Variants in HAUS8 observed in about 807,000 individuals in gnomAD.
HAUS8 encodes HAUS augmin-like complex subunit 8.
Under a neutral mutation model 42.9 loss-of-function variants are expected in HAUS8, and 38 were observed. The ratio of observed to expected loss-of-function variants is 0.89; its 90% CI spans 0.68 to 1.16. The LOEUF is 1.16. Among genes scored for constraint, HAUS8 ranks in the 50% most tolerant of loss-of-function variants. The pLI is 0.00. For synonymous variants in HAUS8, 199 were observed against 205.8 expected (o/e 0.97, Z 0.28); for missense variants, 494 against 511.6 (o/e 0.97, Z 0.33).
chr19:17,063,542 G>A (rs1257709670), intron 3 of HAUS8, among the ~76,000 whole-genome samples: 1 of 152,194 alleles, frequency 6.6e-6, no homozygotes, highest in Non-Finnish European at 1.5e-5. Flanking sequence ...TTTAACAAGA[G>A]TTTTCTTTCA....
At position 17,049,775 on chromosome 19, in the gene HAUS8, A is replaced by G. The variant is rs938739034; in HGVS notation, c.*98T>C. On this transcript the variant is annotated 3_prime_UTR_variant, in exon 11 of 11. Transcript: ENST00000253669. ...AAAATGGAGGCTTCAATTGCAAAACAGGTTTACTTTTTTATCAAACAAGAT... is the reference window on the plus strand; with the variant it reads ...AAAATGGAGGCTTCAATTGCAAAACGGGTTTACTTTTTTATCAAACAAGAT... 9.3e-5 allele frequency: 98 copies of G among 1,058,190 alleles called. No homozygotes were observed. The highest frequency in any genetic ancestry group is 1.1e-4 in the Non-Finnish European group (90 of 790,858). The allele number at this position is 1,058,190 out of a possible 1,614,324, so 65.6% of individuals were successfully genotyped here. A position where few individuals can be genotyped will look rare whatever the true frequency, so the allele number is the denominator to read the frequency against.
rs1369414906 is a variant in HAUS8 at position 17,050,068 on chromosome 19, C to T, written c.1038G>A (p.Trp346Ter). 1 of 1,603,840 alleles carries T rather than the reference C, an allele frequency of 6.2e-7. No individual in the cohort carries two copies. Among genetic ancestry groups the T allele is most frequent in the East Asian group, 2.3e-5 (1 of 43,740 alleles). The change falls in exon 11 of 11, where the codon TGG becomes TGA. Residue 346 changes from tryptophan (W) to a stop codon, truncating the protein, a stop_gained. Transcript: ENST00000253669. LOFTEE classifies it low-confidence loss of function (END_TRUNC). Reference sequence around the variant, plus strand: ...TGCAGGCACTGTCTTGATTGAAATACCACCGGCTGGGGGGCGCCATGCCCT... The same window carrying T: ...TGCAGGCACTGTCTTGATTGAAATATCACCGGCTGGGGGGCGCCATGCCCT... ...ETQGMAPPSR[W>*]YFNQDSACRE... is the part of the protein sequence containing the mutation.
intron 3 of HAUS8, among the ~76,000 whole-genome samples, chr19:17,063,285 C>A (rs560346545): frequency 1.3e-5 from 2 of 152,230 alleles, no homozygotes; most frequent in South Asian, 4.1e-4. Context: ...TCGCTCGGGT[C>A]CAGGGGTTTG....
chr19:17,069,573 C>A (rs2057408959), intron 2 of HAUS8, among the ~76,000 whole-genome samples: 1 of 151,582 alleles, frequency 6.6e-6, no homozygotes, highest in Non-Finnish European at 1.5e-5. Context: ...AACACCCAGG[C>A]CCTCTTCAGA....
At chr19:17,063,828 C>G (rs1321484706) in intron 3 of HAUS8, among the ~76,000 whole-genome samples, 1 of 152,168 alleles carries the variant, frequency 6.6e-6, no homozygotes, top group Non-Finnish European at 1.5e-5. Flanking sequence ...GGGACTTACA[C>G]CTTTGGCTCC....
intron 3 of HAUS8, 32 bp downstream of exon 3, chr19:17,068,999 C>A (rs1481544070): frequency 1.9e-6 from 3 of 1,601,674 alleles, no homozygotes; most frequent in Non-Finnish European, 2.6e-6. Flanking sequence ...TTGCTCAGAA[C>A]TGCTGCAAAT....
rs746969224 is a variant in HAUS8, at chr19:17,060,003, T to C, written c.319A>G (p.Ile107Val). The C allele has an allele frequency of 2.5e-6, 4 of 1,609,674 alleles. No homozygotes were observed. Among genetic ancestry groups the C allele is most frequent in the Non-Finnish European group, 2.6e-6 (3 of 1,175,994 alleles). The change falls in exon 5 of 11, where the codon ATT (isoleucine) becomes GTT (valine). Residue 107 changes from isoleucine (I) to valine (V), a missense_variant. Coordinates refer to ENST00000253669, the MANE Select transcript of HAUS8 (RefSeq NM_033417.2). ...GGTGAAACAAATGATTTACCATTAA[T>C]AGCAGAGAGATCCAGGTCAGGTGGA... ...TAPPDLDLSAINDKSIVKKTP... is the reference protein window; with the variant it reads ...TAPPDLDLSAVNDKSIVKKTP...
At chr19:17,052,421 GA>G (rs1217020055) in intron 10 of HAUS8, 1 of 171,606 alleles carries the variant, frequency 5.8e-6, no homozygotes, top group Non-Finnish European at 1.2e-5. Flanking sequence ...AAGTAGGCTA[GA>G]AAAGGGAAAT....
Position 17,060,035 on chromosome 19 carries a change from C to T in HAUS8, c.287G>A (p.Gly96Asp), listed in dbSNP as rs1251899420. The T allele has an allele frequency of 6.2e-7, 1 of 1,613,392 alleles. No homozygotes were observed. The highest frequency in any genetic ancestry group is 1.1e-5 in the South Asian group (1 of 91,058). Residue 96 changes from glycine (G) to aspartate (D), a missense_variant, in exon 5 of 11, where the codon GGC becomes GAC. Gly to Asp is a moderately conservative substitution (Grantham distance 94). Transcript: ENST00000253669. ...GAGATCCAGGTCAGGTGGAGCTGTG[C>T]CATGCCCTTCCAGCAACGTGGACTG... Reference protein sequence around the residue: ...DLQSTLLEGHGTAPPDLDLSA... With the variant: ...DLQSTLLEGHDTAPPDLDLSA...
At chr19:17,055,143 A>AAAAAAATACAT (rs1568634866) in intron 9 of HAUS8, 1 of 15,496 alleles carries the variant, frequency 6.5e-5, no homozygotes, top group Non-Finnish European at 1.0e-4. Flanking sequence ...AAAAAAAAAA[A>AAAAAAATACAT]ATATATATAT....
chr19:17,062,298 A>T (rs967040797), intron 4 of HAUS8, among the ~76,000 whole-genome samples: 1 of 152,112 alleles, frequency 6.6e-6, no homozygotes, highest in South Asian at 2.1e-4. Context: ...TGGCCAGCTA[A>T]TTTTTGTATT....
intron 4 of HAUS8, 91 bp downstream of exon 4, chr19:17,062,607 G>A: frequency 2.1e-6 from 2 of 952,390 alleles, no homozygotes; most frequent in East Asian, 2.4e-5. Context: ...ACCCTTCCCA[G>A]AAAGGAAAGA....
At chr19:17,070,547 G>A (rs529331417) in intron 2 of HAUS8, among the ~76,000 whole-genome samples, 1 of 152,100 alleles carries the variant, frequency 6.6e-6, no homozygotes, top group Non-Finnish European at 1.5e-5. Flanking sequence ...CCCCCTGCAG[G>A]CACCTCCCTC....
chr19:17,055,982 G>A lies in HAUS8; in HGVS notation c.666C>T (p.Phe222=), dbSNP rs535521240. Residue 222 remains phenylalanine, a synonymous_variant, in exon 9 of 11, where the codon TTC becomes TTT. Coordinates refer to ENST00000253669, the MANE Select transcript of HAUS8 (RefSeq NM_033417.2). ...LDAQIEMLSP[F]EAVATRFKEQ... ...CCTTGAAGCGTGTGGCCACTGCCTC[G>A]AAGGGGCTGAGCATCTCGATCTGTA... is the stretch of plus-strand genomic sequence containing the variant. 28 of 1,614,108 alleles carry A rather than the reference G, an allele frequency of 1.7e-5. No homozygotes were observed. Among genetic ancestry groups the A allele is most frequent in the South Asian group, 1.6e-4 (15 of 91,074 alleles).
intron 8 of HAUS8, among the ~76,000 whole-genome samples, chr19:17,057,015 G>C (rs1454651986): frequency 6.6e-6 from 1 of 152,166 alleles, no homozygotes; most frequent in Non-Finnish European, 1.5e-5. Flanking sequence ...AAGTAGCTGG[G>C]ACTATAGGCA....
chr19:17,055,151 T>A (rs4030893), intron 9 of HAUS8: 731 of 4,634 alleles, frequency 0.16, 123 homozygotes, highest in South Asian at 0.26. Context: ...AAAATATATA[T>A]ATATATATAT....
intron 10 of HAUS8, chr19:17,051,682 T>C (rs1461829154): frequency 6.9e-6 from 1 of 145,162 alleles, no homozygotes; most frequent in Non-Finnish European, 1.5e-5. Flanking sequence ...TTTTTTTTTT[T>C]CCTGAGACAG....
At chr19:17,053,953 G>A (rs1232824379) in intron 9 of HAUS8, among the ~76,000 whole-genome samples, 1 of 152,090 alleles carries the variant, frequency 6.6e-6, no homozygotes, top group Non-Finnish European at 1.5e-5. Context: ...ATGAGCCACC[G>A]TGCTGAGCCT....
rs1395692809 is a variant in HAUS8, at chr19:17,075,387, A to T, written c.29+7T>A. 6.2e-7 allele frequency: 1 copy of T among 1,613,828 alleles called. No individual in the cohort carries two copies. Among genetic ancestry groups the T allele is most frequent in the Non-Finnish European group, 8.5e-7 (1 of 1,179,854 alleles). ...ACAAATCCAGACCTGCGGAAGCCCCAACTCACCCAGCGCCTCGCCCCGAGG... is the reference window on the plus strand; with the variant it reads ...ACAAATCCAGACCTGCGGAAGCCCCTACTCACCCAGCGCCTCGCCCCGAGG... On this transcript the variant is annotated splice_region_variant and intron_variant, in intron 1 of 10. Transcript: ENST00000253669.
Sources: allele counts gnomAD v4.1 joint callset (sites outside exome capture counted in the v4.1 genomes callset), GRCh38; gene constraint gnomAD v4.1.1; transcripts MANE v1.5; gene names NCBI Gene and HGNC (gene_info 2026-07-23, HGNC 2026-07-21).